GMDS: variants seen among roughly 807,000 people sequenced by gnomAD.
The protein encoded by GMDS is GDP-mannose 4,6-dehydratase.
A neutral mutation model predicts 49.9 loss-of-function variants in GMDS; 20 were observed. The ratio of observed to expected loss-of-function variants is 0.40; its 90% confidence interval spans 0.28 to 0.58. The LOEUF (loss-of-function observed/expected upper bound fraction) is 0.58. Among genes scored for constraint, GMDS ranks in the 20% least tolerant of loss-of-function variants. GMDS has a pLI of 0.42. For missense variants in GMDS, 362 were observed against 481.4 expected (o/e 0.75, Z 2.32); for synonymous variants, 177 against 178.6 (o/e 0.99, Z 0.07).
intron 1 of GMDS, among the ~76,000 whole-genome samples, chr6:2,235,411 C>A (rs1781310888): frequency 6.6e-6 from 1 of 152,174 alleles, no homozygotes; most frequent in Admixed American, 6.5e-5. Flanking sequence ...CTAATTCATT[C>A]CATACTAAGC....
Position 2,245,564 on chromosome 6 carries a change from C to A in GMDS, c.-142G>T, listed in dbSNP as rs1181340108. On this transcript the variant is annotated 5_prime_UTR_variant, in exon 1 of 11. Coordinates refer to ENST00000380815, the MANE Select transcript of GMDS (RefSeq NM_001500.4). ...AGGGAGAGCGCACCGCGCGACCGGC[C>A]GCCACAGTCTGACAGGGGCGCACGG... 1.1e-5 allele frequency: 5 copies of A among 437,046 alleles called. No individual in the cohort carries two copies. Among genetic ancestry groups the A allele is most frequent in the Admixed American group, 4.6e-5 (1 of 21,604 alleles). The allele number at this position is 437,046 out of a possible 1,614,324, so 27.1% of individuals were successfully genotyped here. A position where few individuals can be genotyped will look rare whatever the true frequency, so the allele number is the denominator to read the frequency against.
chr6:2,091,309 G>C (rs1429125073), intron 4 of GMDS, among the ~76,000 whole-genome samples: 2 of 152,148 alleles, frequency 1.3e-5, no homozygotes, highest in East Asian at 1.9e-4. Flanking sequence ...AATGAACTTA[G>C]TTCTTCCATT....
intron 1 of GMDS, among the ~76,000 whole-genome samples, chr6:2,141,989 C>T (rs1425415252): frequency 1.3e-5 from 2 of 152,152 alleles, no homozygotes; most frequent in East Asian, 1.9e-4. Context: ...CACTGGTTGC[C>T]GGCTTATCCA....
chr6:1,694,613 A>G (rs1306326661), intron 9 of GMDS, among the ~76,000 whole-genome samples: 1 of 152,236 alleles, frequency 6.6e-6, no homozygotes, highest in African/African-American at 2.4e-5. Context: ...ACACGTCTGC[A>G]CACATGTATA....
At chr6:2,242,743 G>A (rs945241571) in intron 1 of GMDS, among the ~76,000 whole-genome samples, 1 of 152,148 alleles carries the variant, frequency 6.6e-6, no homozygotes, top group Non-Finnish European at 1.5e-5. Flanking sequence ...TACGACCTCA[G>A]GGAACATATT....
At chr6:1,679,785 AG>A (rs1482335904) in intron 9 of GMDS, 1 of 152,246 alleles carries the variant, frequency 6.6e-6, no homozygotes, top group African/African-American at 2.4e-5. Context: ...GGAACTTCAA[AG>A]GAATTCCAGT....
At chr6:1,880,311 C>CAAAAAA (rs1289083039) in intron 7 of GMDS, among the ~76,000 whole-genome samples, 1 of 111,908 alleles carries the variant, frequency 8.9e-6, no homozygotes, top group African/African-American at 3.6e-5. Flanking sequence ...AAAAAAAAAT[C>CAAAAAA]ACCAGGTGTG....
At chr6:1,915,220 G>A (rs905082887) in intron 7 of GMDS, among the ~76,000 whole-genome samples, 7 of 152,240 alleles carry the variant, frequency 4.6e-5, no homozygotes, top group Non-Finnish European at 7.3e-5. Flanking sequence ...TTGAGCACCG[G>A]GGTTCAAGAC....
intron 1 of GMDS, among the ~76,000 whole-genome samples, chr6:2,154,271 G>T (rs1776992389): frequency 6.6e-6 from 1 of 152,012 alleles, no homozygotes; most frequent in South Asian, 2.1e-4. Flanking sequence ...ACATTTTTCT[G>T]ACTTAAAAGA....
chr6:2,063,415 A>C (rs1771310959), intron 4 of GMDS, among the ~76,000 whole-genome samples: 1 of 152,222 alleles, frequency 6.6e-6, no homozygotes, highest in African/African-American at 2.4e-5. Flanking sequence ...TGTGTCCAAA[A>C]GGCCAAGAAA....
intron 1 of GMDS, among the ~76,000 whole-genome samples, chr6:2,137,333 C>CTTT (rs79714655): frequency 7.5e-6 from 1 of 133,524 alleles, no homozygotes; most frequent in Non-Finnish European, 1.6e-5. Context: ...GCTATATTCC[C>CTTT]TTTTTTTTTT....
In GMDS at chr6:2,073,731, T is replaced by C. The variant is rs74423021; in HGVS notation, c.345+42040A>G. ...TCTTTACTGCCACAAGGGTAAGTTT[T>C]TTAGCTCACACATATCAGTGACAAC... On this transcript the variant is annotated intron_variant, in intron 4 of 10. Coordinates refer to ENST00000380815, the MANE Select transcript of GMDS (RefSeq NM_001500.4). Among the ~76,000 whole-genome samples the C allele has an allele frequency of 4.9e-3, 739 of 152,346 alleles. 4 individuals carry two copies. The highest frequency in any genetic ancestry group is 0.017 in the African/African-American group (687 of 41,580).
intron 4 of GMDS, among the ~76,000 whole-genome samples, chr6:1,969,616 T>C (rs1764486636): frequency 6.6e-6 from 1 of 152,172 alleles, no homozygotes; most frequent in African/African-American, 2.4e-5. Context: ...GCCTCTAAGT[T>C]CCAAGTGATT....
chr6:2,018,256 C>A (rs1454225783), intron 4 of GMDS, among the ~76,000 whole-genome samples: 3 of 152,150 alleles, frequency 2.0e-5, no homozygotes. Context: ...TGACTCAAAT[C>A]GTATCTAAAC....
chr6:1,935,252 A>T (rs1000082342), intron 6 of GMDS, among the ~76,000 whole-genome samples: 4 of 152,218 alleles, frequency 2.6e-5, no homozygotes, highest in African/African-American at 9.6e-5. Flanking sequence ...TACTACTTGC[A>T]TATTAACATT....
chr6:2,166,603 CT>C (rs1432244120), intron 1 of GMDS, among the ~76,000 whole-genome samples: 1 of 152,184 alleles, frequency 6.6e-6, no homozygotes, highest in Non-Finnish European at 1.5e-5. Flanking sequence ...CTCTTAGATT[CT>C]TCATCTGGAA....
intron 7 of GMDS, among the ~76,000 whole-genome samples, chr6:1,917,178 T>C (rs774323136): frequency 1.3e-5 from 2 of 152,140 alleles, no homozygotes; most frequent in Non-Finnish European, 2.9e-5. Flanking sequence ...GCGAGAGGAA[T>C]ACGTTTGCTA....
intron 7 of GMDS, among the ~76,000 whole-genome samples, chr6:1,835,160 A>AG (rs1000224980): frequency 7.9e-5 from 12 of 152,174 alleles, no homozygotes; most frequent in East Asian, 3.9e-4. Context: ...GTGTTGCGTA[A>AG]GGGGGGGTCT....
rs745938163 is a variant in GMDS, at chr6:1,762,709, C to T, written c.772-20123G>A. ...CCCTTCCTGGGGAGGATGAGAAACA[C>T]GCTGGGTCTTCAAAATGAAGCCCGA... On this transcript the variant is annotated intron_variant, in intron 7 of 10. Coordinates refer to ENST00000380815, the MANE Select transcript of GMDS (RefSeq NM_001500.4). Among the ~76,000 whole-genome samples, 16 of 152,294 alleles carry T rather than the reference C, an allele frequency of 1.1e-4. No individual in the cohort carries two copies. The South Asian group carries it at 1.2e-3, about 12-fold the overall frequency.
Sources: allele counts gnomAD v4.1 joint callset (sites outside exome capture counted in the v4.1 genomes callset), GRCh38; gene constraint gnomAD v4.1.1; transcripts MANE v1.5; gene names NCBI Gene and HGNC (gene_info 2026-07-23, HGNC 2026-07-21).